The following PARG variants were observed in gnomAD, a reference collection of about 807,000 sequenced individuals.
PARG encodes the protein poly(ADP-ribose) glycohydrolase, also known as mitochondrial poly(ADP-ribose) glycohydrolase.
In PARG, 35 loss-of-function variants were observed where a neutral mutation model predicts 113.0. That is an observed-to-expected ratio of 0.31 (90% CI 0.24 to 0.41). PARG has a LOEUF of 0.41. PARG is among the 10% of genes least tolerant of loss of function. The pLI is 1.00. For synonymous variants in PARG, 330 were observed against 409.9 expected (o/e 0.81, Z 2.36); for missense variants, 797 against 1,169.4 (o/e 0.68, Z 4.64).
rs1335949155 is a variant in PARG at position 49,921,040 on chromosome 10, T to C, written c.1662+1296A>G. On this transcript the variant is annotated intron_variant, in intron 6 of 17. Transcript: ENST00000616448. Reference sequence around the variant, plus strand: ...CTTAGGTGTGGGAAGAATATATGGATAGGGAATGGGGTGGAGAAAGAAGGA... The same window carrying C: ...CTTAGGTGTGGGAAGAATATATGGACAGGGAATGGGGTGGAGAAAGAAGGA... 5.3e-5 allele frequency among the ~76,000 whole-genome samples: 8 copies of C among 152,080 alleles called. No individual in the cohort carries two copies. The South Asian group carries it at 1.5e-3, about 28-fold the overall frequency.
chr10:49,910,263 T>C (rs532119503), intron 7 of PARG, among the ~76,000 whole-genome samples: 60 of 152,278 alleles, frequency 3.9e-4, no homozygotes, highest in African/African-American at 1.2e-3. Context: ...TTTTAATAAC[T>C]ACAGCGAAGA....
At chr10:49,892,943 G>A (rs1239134005) in intron 7 of PARG, among the ~76,000 whole-genome samples, 12 of 152,170 alleles carry the variant, frequency 7.9e-5, no homozygotes, top group Admixed American at 5.9e-4. Context: ...TTATTTTATG[G>A]TATGAATACA....
intron 9 of PARG, among the ~76,000 whole-genome samples, chr10:49,877,324 G>A (rs1229739206): frequency 6.6e-6 from 1 of 151,076 alleles, no homozygotes; most frequent in Admixed American, 6.6e-5. Context: ...TATGGTCTTC[G>A]GGGCTGACAC....
intron 15 of PARG, among the ~76,000 whole-genome samples, chr10:49,840,892 G>C (rs1189687348): frequency 6.6e-6 from 1 of 152,160 alleles, no homozygotes; most frequent in African/African-American, 2.4e-5. Flanking sequence ...CTACTCATGG[G>C]AGTGAAAGAA....
At chr10:49,913,593 T>G (rs1837313224) in intron 7 of PARG, among the ~76,000 whole-genome samples, 1 of 152,198 alleles carries the variant, frequency 6.6e-6, no homozygotes, top group Non-Finnish European at 1.5e-5. Context: ...TCCATATGTT[T>G]ACAAAGTAAA....
chr10:49,917,498 A>AG (rs1554847978), intron 6 of PARG, among the ~76,000 whole-genome samples: 3 of 148,854 alleles, frequency 2.0e-5, no homozygotes, highest in African/African-American at 7.5e-5. Context: ...CAAAAAAAAA[A>AG]AAAAAAAAAG....
In PARG at chr10:49,842,027, C is replaced by T. The variant is rs782688054; in HGVS notation, c.2464G>A (p.Val822Ile). 1.5e-5 allele frequency: 23 copies of T among 1,550,220 alleles called. No homozygotes were observed. Among genetic ancestry groups the T allele is most frequent in the Middle Eastern group, 3.3e-4 (2 of 6,016 alleles). ...CTGAAGTGAAGAGCATCGATGGCAA[C>T]GATCTCAGTGCAGCGCCGCTGCCAG... Reference protein sequence around the residue: ...DDWQRRCTEIVAIDALHFRRY... With the variant: ...DDWQRRCTEIIAIDALHFRRY... Residue 822 changes from valine (V) to isoleucine (I), a missense_variant, in exon 15 of 18, where the codon GTT becomes ATT. Coordinates refer to ENST00000616448, the MANE Select transcript of PARG (RefSeq NM_003631.5).
intron 6 of PARG, among the ~76,000 whole-genome samples, chr10:49,920,379 A>G (rs1211650811): frequency 2.7e-5 from 4 of 148,646 alleles, no homozygotes; most frequent in Non-Finnish European, 6.0e-5. Context: ...TCTGGGAAGC[A>G]GAGGTTGCAG....
chr10:49,885,765 T>C (rs1371626884), intron 7 of PARG, among the ~76,000 whole-genome samples: 2 of 152,196 alleles, frequency 1.3e-5, no homozygotes, highest in African/African-American at 4.8e-5. Flanking sequence ...GCATACTCTA[T>C]GGGTCAAATC....
intron 4 of PARG, among the ~76,000 whole-genome samples, chr10:49,923,662 AG>A (rs1385007528): frequency 6.6e-6 from 1 of 151,912 alleles, no homozygotes; most frequent in Non-Finnish European, 1.5e-5. Flanking sequence ...CGCCAGGGAA[AG>A]GAGTCACCCA....
chr10:49,820,642 A>C (rs1844026124), intron 16 of PARG, among the ~76,000 whole-genome samples: 1 of 151,788 alleles, frequency 6.6e-6, no homozygotes, highest in Admixed American at 6.6e-5. Flanking sequence ...GAATTGCTTG[A>C]ACCTGGGAGG....
intron 11 of PARG, among the ~76,000 whole-genome samples, chr10:49,862,726 T>C (rs552165624): frequency 5.3e-5 from 8 of 151,494 alleles, no homozygotes; most frequent in African/African-American, 1.9e-4. Flanking sequence ...GCAGCAGAGA[T>C]GTGAAACTAG....
At chr10:49,917,682 T>C (rs1332901589) in intron 6 of PARG, among the ~76,000 whole-genome samples, 5 of 150,474 alleles carry the variant, frequency 3.3e-5, no homozygotes, top group Non-Finnish European at 5.9e-5. Flanking sequence ...CCAGGCATGG[T>C]GGTGCGTGCC....
At position 49,849,631 on chromosome 10, in the gene PARG, A is replaced by G. The variant is rs537167380; in HGVS notation, c.2354-5999T>C. On this transcript the variant is annotated intron_variant, in intron 13 of 17. Coordinates refer to ENST00000616448, the MANE Select transcript of PARG (RefSeq NM_003631.5). Reference sequence around the variant, plus strand: ...ATTGTATACTTTAAACAAATAGTTTATTTTATGTCAATTATACCTCAATAA... The same window carrying G: ...ATTGTATACTTTAAACAAATAGTTTGTTTTATGTCAATTATACCTCAATAA... Among the ~76,000 whole-genome samples, 65 of 152,366 alleles carry G rather than the reference A, an allele frequency of 4.3e-4. No homozygotes were observed. In the Middle Eastern group the frequency reaches 0.01, roughly 24 times the overall value.
chr10:49,906,479 G>A (rs181131553), intron 7 of PARG, among the ~76,000 whole-genome samples: 645 of 151,950 alleles, frequency 4.2e-3, no homozygotes, highest in East Asian at 0.017. Flanking sequence ...TGGGTAGTAT[G>A]TTTAATCTGA....
chr10:49,841,877 T>C, intron 15 of PARG, 73 bp downstream of exon 15: 4 of 937,806 alleles, frequency 4.3e-6, no homozygotes, highest in Non-Finnish European at 6.7e-6. Flanking sequence ...CAGAAAGCAT[T>C]AATTTCAGCA....
chr10:49,920,588 A>G (rs139895349), intron 6 of PARG, among the ~76,000 whole-genome samples: 10,214 of 143,166 alleles, frequency 0.071, 542 homozygotes, highest in African/African-American at 0.14. Flanking sequence ...ATATATACAC[A>G]TATATACATA....
chr10:49,939,265 C>T (rs1378169277), intron 1 of PARG, among the ~76,000 whole-genome samples: 19 of 152,184 alleles, frequency 1.2e-4, no homozygotes, highest in Admixed American at 7.9e-4. Context: ...TTAAACACAT[C>T]GCTTACTAGA....
intron 13 of PARG, among the ~76,000 whole-genome samples, chr10:49,856,865 C>T (rs1198921891): frequency 2.0e-5 from 3 of 151,330 alleles, no homozygotes; most frequent in Admixed American, 6.6e-5. Flanking sequence ...CAAAATTAGC[C>T]GGGTGTGGTG....
Sources: gnomAD v4.1 joint callset for allele counts (sites outside exome capture counted in the v4.1 genomes callset) on GRCh38, gnomAD v4.1.1 for gene constraint, MANE v1.5 for transcripts, NCBI Gene and HGNC (gene_info 2026-07-23, HGNC 2026-07-21) for gene names.